The following RCAN1 variants were observed in gnomAD, a reference collection of about 807,000 sequenced individuals.
RCAN1 encodes calcipressin-1.
RCAN1 carries 11 observed loss-of-function variants against 22.9 expected under a neutral mutation model. The observed-to-expected ratio is 0.48, with a 90% CI of 0.30 to 0.79. The LOEUF (loss-of-function observed/expected upper bound fraction) is 0.79. Ranked by LOEUF, RCAN1 falls within the 30% of genes least tolerant of loss-of-function variation. The probability of loss-of-function intolerance (pLI) is 0.06; values close to 1 mark genes in which losing one functional copy is unlikely to be tolerated. For missense variants in RCAN1, 291 were observed against 337.8 expected, an observed-to-expected ratio of 0.86 and a Z score of 1.09; for synonymous variants, 136 against 142.3, an observed-to-expected ratio of 0.96 and a Z score of 0.32.
intron 1 of RCAN1, among the ~76,000 whole-genome samples, chr21:34,586,290 G>A (rs1275475128): frequency 2.0e-5 from 3 of 151,932 alleles, no homozygotes; most frequent in Non-Finnish European, 2.9e-5. Context: ...TATCAAAACC[G>A]ACTTACTGTT....
At chr21:34,610,603 C>T (rs1411518589) in intron 1 of RCAN1, among the ~76,000 whole-genome samples, 1 of 152,290 alleles carries the variant, frequency 6.6e-6, no homozygotes, top group African/African-American at 2.4e-5. Context: ...CAGGCCAAAC[C>T]CCGGCTTCAG....
intron 1 of RCAN1, among the ~76,000 whole-genome samples, chr21:34,534,053 G>C (rs73207097): frequency 0.03 from 4,638 of 152,312 alleles, 100 homozygotes; most frequent in Non-Finnish European, 0.044. Flanking sequence ...GAGCCATAAG[G>C]GGGTTTGAGC....
chr21:34,528,026 T>C lies in RCAN1; in HGVS notation c.253-4316A>G, dbSNP rs1985172903. 6.6e-5 allele frequency among the ~76,000 whole-genome samples: 10 copies of C among 152,196 alleles called. No individual in the cohort carries two copies. The South Asian group carries it at 2.1e-3, about 31-fold the overall frequency. ...GAACCTTCTAAGTATTTTACCAGTTTAGATCCCTATGGCAGCCTGGGTCCT... is the reference window on the plus strand; with the variant it reads ...GAACCTTCTAAGTATTTTACCAGTTCAGATCCCTATGGCAGCCTGGGTCCT... On this transcript the variant is annotated intron_variant, in intron 1 of 3. Transcript: ENST00000313806.
intron 1 of RCAN1, among the ~76,000 whole-genome samples, chr21:34,556,425 C>CAAAAAA (rs1003343270): frequency 3.6e-5 from 2 of 54,906 alleles, no homozygotes; most frequent in East Asian, 8.0e-4. Context: ...GACCTTGTCT[C>CAAAAAA]AAAAAATAAT....
At chr21:34,590,969 G>T (rs1987952263) in intron 1 of RCAN1, among the ~76,000 whole-genome samples, 1 of 152,170 alleles carries the variant, frequency 6.6e-6, no homozygotes, top group African/African-American at 2.4e-5. Context: ...AGAAGGGTTT[G>T]CTTATGGAAT....
intron 3 of RCAN1, chr21:34,521,144 A>G (rs1307195778): frequency 7.9e-7 from 1 of 1,261,082 alleles, no homozygotes; most frequent in Non-Finnish European, 9.9e-7. Context: ...CCCTTTCCAA[A>G]GTCCAATCAC....
At chr21:34,583,664 C>T (rs540814864) in intron 1 of RCAN1, among the ~76,000 whole-genome samples, 1 of 152,172 alleles carries the variant, frequency 6.6e-6, no homozygotes, top group Non-Finnish European at 1.5e-5. Flanking sequence ...ACCATGATCT[C>T]GGACTTCCAG....
chr21:34,525,121 C>T, intron 1 of RCAN1: 1 of 1,550,548 alleles, frequency 6.4e-7, no homozygotes, highest in Non-Finnish European at 8.7e-7. Flanking sequence ...AGTGTCTCTG[C>T]AGTGGGAGCG....
rs542100975 is a variant in RCAN1, at chr21:34,588,505, A to T, written c.252+26255T>A. ...TTGATTATACCTCATAGCCATTAGG[A>T]TGGCTAGTATCAAAAACAGAAAATA... On this transcript the variant is annotated intron_variant, in intron 1 of 3. Coordinates refer to ENST00000313806, the MANE Select transcript of RCAN1 (RefSeq NM_004414.7). Among the ~76,000 whole-genome samples, 15 of 152,366 alleles carry T rather than the reference A, an allele frequency of 9.8e-5. No homozygotes were observed. In the South Asian group the frequency reaches 1.2e-3, roughly 13 times the overall value.
chr21:34,520,358 A>G (rs1313128513), intron 3 of RCAN1, among the ~76,000 whole-genome samples: 1 of 152,168 alleles, frequency 6.6e-6, no homozygotes, highest in Non-Finnish European at 1.5e-5. Flanking sequence ...ACCCTCAGCC[A>G]TGCTCATGCC....
Position 34,517,394 on chromosome 21 carries a change from T to C in RCAN1, c.*690A>G, listed in dbSNP as rs1984115649. The C allele has an allele frequency of 6.6e-6, 1 of 152,244 alleles. No individual in the cohort carries two copies. Among genetic ancestry groups the C allele is most frequent in the Non-Finnish European group, 1.5e-5 (1 of 68,050 alleles). 9.4% of individuals were successfully genotyped at this position (152,244 alleles called of 1,614,324 possible). On this transcript the variant is annotated 3_prime_UTR_variant, in exon 4 of 4. Transcript: ENST00000313806. Reference sequence around the variant, plus strand: ...ACGTTGCACGGTTGGGGATGCTGAGTGAATGCATTCCAGGAAGAGTTCCGC... The same window carrying C: ...ACGTTGCACGGTTGGGGATGCTGAGCGAATGCATTCCAGGAAGAGTTCCGC...
rs536088918 is a variant in RCAN1, at chr21:34,533,403, C to T, written c.253-9693G>A. Among the ~76,000 whole-genome samples, 185 of 152,132 alleles carry T rather than the reference C, an allele frequency of 1.2e-3. 2 individuals are homozygous for T. Among genetic ancestry groups the T allele is most frequent in the African/African-American group, 4.3e-3 (177 of 41,472 alleles). ...TGGGGTTTTTTTAATCAAATAAAAG[C>T]AATTATGATTTTATTTCCCCCACTT... On this transcript the variant is annotated intron_variant, in intron 1 of 3. Coordinates refer to ENST00000313806, the MANE Select transcript of RCAN1 (RefSeq NM_004414.7).
At chr21:34,607,129 G>T (rs1988550349) in intron 1 of RCAN1, among the ~76,000 whole-genome samples, 1 of 152,160 alleles carries the variant, frequency 6.6e-6, no homozygotes, top group African/African-American at 2.4e-5. Flanking sequence ...AAAAGGAAAA[G>T]TACTGGACCT....
At chr21:34,588,998 G>C (rs1987887164) in intron 1 of RCAN1, among the ~76,000 whole-genome samples, 1 of 152,198 alleles carries the variant, frequency 6.6e-6, no homozygotes, top group African/African-American at 2.4e-5. Flanking sequence ...GTGGTTGCCA[G>C]GGGCTGAGGG....
At chr21:34,576,746 C>T (rs1225897238) in intron 1 of RCAN1, among the ~76,000 whole-genome samples, 2 of 152,098 alleles carry the variant, frequency 1.3e-5, no homozygotes, top group Admixed American at 1.3e-4. Flanking sequence ...GAAATCTATG[C>T]TAATCACATC....
At chr21:34,530,097 C>A (rs1015549025) in intron 1 of RCAN1, among the ~76,000 whole-genome samples, 1 of 152,160 alleles carries the variant, frequency 6.6e-6, no homozygotes, top group Non-Finnish European at 1.5e-5. Context: ...AGTGTGAAAA[C>A]GGACTAATAT....
chr21:34,591,170 A>G (rs1987961669), intron 1 of RCAN1, among the ~76,000 whole-genome samples: 1 of 152,246 alleles, frequency 6.6e-6, no homozygotes, highest in South Asian at 2.1e-4. Context: ...TATACCAGGC[A>G]CAGTTCTAGG....
In RCAN1 at chr21:34,564,921, C is replaced by A. The variant is rs571379770; in HGVS notation, c.253-41211G>T. The stretch of plus-strand genomic sequence containing the variant: ...TTGGAACTAATAAGAAAAAGCTGAC[C>A]GGGTGTGGTGGCTCACACCTGGAAT... On this transcript the variant is annotated intron_variant, in intron 1 of 3. Transcript: ENST00000313806. Among the ~76,000 whole-genome samples, 16 of 152,154 alleles carry A rather than the reference C, an allele frequency of 1.1e-4. No homozygotes were observed. In the South Asian group the frequency reaches 2.3e-3, roughly 22 times the overall value.
chr21:34,575,065 T>G (rs1249382285), intron 1 of RCAN1, among the ~76,000 whole-genome samples: 1 of 152,206 alleles, frequency 6.6e-6, no homozygotes, highest in Non-Finnish European at 1.5e-5. Flanking sequence ...CTGCAAAATG[T>G]GAGGGCATCT....
Sources: allele counts gnomAD v4.1 joint callset (sites outside exome capture counted in the v4.1 genomes callset), GRCh38; gene constraint gnomAD v4.1.1; transcripts MANE v1.5; gene names NCBI Gene and HGNC (gene_info 2026-07-23, HGNC 2026-07-21).